Variants in CCDC93 observed in about 807,000 individuals in gnomAD.
CCDC93 encodes coiled-coil domain-containing protein 93.
CCDC93 carries 61 observed loss-of-function variants against 108.2 expected under a neutral mutation model. That is an observed-to-expected ratio of 0.56 (90% confidence interval 0.46 to 0.70). The LOEUF (loss-of-function observed/expected upper bound fraction) is 0.70. CCDC93 is among the 30% of genes least tolerant of loss of function. The probability of loss-of-function intolerance (pLI) is 0.00; values close to 1 mark genes in which losing one functional copy is unlikely to be tolerated. For missense variants in CCDC93, 685 were observed against 764.2 expected (o/e 0.90, Z 1.22); for synonymous variants, 276 against 260.4 (o/e 1.06, Z -0.58).
chr2:117,983,261 G>A (rs1249213688), intron 7 of CCDC93, among the ~76,000 whole-genome samples: 13 of 152,058 alleles, frequency 8.5e-5, no homozygotes, highest in East Asian at 1.9e-4. Flanking sequence ...TCCAATTGGC[G>A]TATTTCCCTA....
chr2:118,010,565 A>G (rs1676997539), intron 1 of CCDC93, among the ~76,000 whole-genome samples: 1 of 152,074 alleles, frequency 6.6e-6, no homozygotes, highest in Non-Finnish European at 1.5e-5. Flanking sequence ...ACTTCATTCC[A>G]GAACTCTTGC....
At chr2:118,008,184 G>A (rs570886581) in intron 2 of CCDC93, among the ~76,000 whole-genome samples, 20 of 152,246 alleles carry the variant, frequency 1.3e-4, no homozygotes, top group Non-Finnish European at 2.1e-4. Context: ...AGAATATCTG[G>A]CAACCGTCTG....
At chr2:117,975,435 C>T (rs1467708721) in intron 8 of CCDC93, among the ~76,000 whole-genome samples, 155 bp from the exon 9 acceptor site, 2 of 152,206 alleles carry the variant, frequency 1.3e-5, no homozygotes, top group Admixed American at 1.3e-4. Flanking sequence ...GCTGAACCTC[C>T]ACTAGAGTAT....
intron 23 of CCDC93, among the ~76,000 whole-genome samples, chr2:117,920,815 T>C (rs1200678858): frequency 6.6e-6 from 1 of 152,114 alleles, no homozygotes; most frequent in Non-Finnish European, 1.5e-5. Flanking sequence ...GCAAAACACA[T>C]AGAGTTCTAA....
intron 7 of CCDC93, among the ~76,000 whole-genome samples, chr2:117,982,967 G>A (rs1354849620): frequency 6.6e-6 from 1 of 152,148 alleles, no homozygotes; most frequent in Admixed American, 6.5e-5. Context: ...CCCAAATATG[G>A]CACCCTAATA....
At chr2:117,923,475 G>A (rs983378733) in intron 23 of CCDC93, among the ~76,000 whole-genome samples, 2 of 152,126 alleles carry the variant, frequency 1.3e-5, no homozygotes, top group East Asian at 1.9e-4. Context: ...TATATCCCGC[G>A]CCTGCCTCAG....
intron 12 of CCDC93, among the ~76,000 whole-genome samples, chr2:117,954,872 A>G (rs1288529708): frequency 6.6e-6 from 1 of 152,150 alleles, no homozygotes; most frequent in East Asian, 1.9e-4. Context: ...ATGGTTTTAT[A>G]GGCATCTGGC....
chr2:118,001,737 C>T (rs987937012), intron 3 of CCDC93, among the ~76,000 whole-genome samples: 1 of 151,922 alleles, frequency 6.6e-6, no homozygotes, highest in Admixed American at 6.6e-5. Flanking sequence ...GGTTTCTCAG[C>T]TCAGCCTGAG....
Position 117,918,890 on chromosome 2 carries a change from C to CGT in CCDC93, c.*1451_*1452dup, listed in dbSNP as rs751069814. Reference sequence around the variant, plus strand: ...ACCAGTGGCTGTTTTTAATCCAGCACGTGTGTGTGTTTTTAAATCTGTACA... The same window carrying CGT: ...ACCAGTGGCTGTTTTTAATCCAGCACGTGTGTGTGTGTTTTTAAATCTGTACA... On this transcript the variant is annotated 3_prime_UTR_variant, in exon 24 of 24. Transcript: ENST00000376300. 3.3e-5 allele frequency: 5 copies of CGT among 152,190 alleles called. No homozygotes were observed. The highest frequency in any genetic ancestry group is 2.1e-4 in the South Asian group (1 of 4,830). The allele number at this position is 152,190 out of a possible 1,614,324, so 9.4% of individuals were successfully genotyped here. A position where few individuals can be genotyped will look rare whatever the true frequency, so the allele number is the denominator to read the frequency against.
chr2:117,951,018 A>G, intron 13 of CCDC93: 11 of 983,298 alleles, frequency 1.1e-5, no homozygotes, highest in Non-Finnish European at 1.3e-5. Context: ...CCTTTCTATA[A>G]CATGAAAAGG....
chr2:117,933,772 TG>T, intron 22 of CCDC93, among the ~76,000 whole-genome samples: 1 of 150,492 alleles, frequency 6.6e-6, no homozygotes, highest in South Asian at 2.1e-4. Context: ...CCATTCACAG[TG>T]TCTATCAACA....
chr2:117,931,079 T>C lies in CCDC93; in HGVS notation c.1800A>G (p.Glu600=). The part of the protein sequence containing the change: ...QLNDQYLELL[E]KQRLYFKTVK... ...CAGTCTTAAAGTATAGCCTCTGCTTTTCTAACAGCTCCAAGTACTGGTCGT... is the reference window on the plus strand; with the variant it reads ...CAGTCTTAAAGTATAGCCTCTGCTTCTCTAACAGCTCCAAGTACTGGTCGT... The change falls in exon 23 of 24, where the codon GAA becomes GAG. Residue 600 remains glutamate (E), a synonymous_variant. Coordinates refer to ENST00000376300, the MANE Select transcript of CCDC93 (RefSeq NM_019044.5). 1 of 1,614,020 alleles carries C rather than the reference T, an allele frequency of 6.2e-7. No individual in the cohort carries two copies. The highest frequency in any genetic ancestry group is 8.5e-7 in the Non-Finnish European group (1 of 1,179,884).
chr2:117,934,425 T>C (rs1052661052), intron 22 of CCDC93: 2 of 152,230 alleles, frequency 1.3e-5, no homozygotes, highest in African/African-American at 2.4e-5. Context: ...TGTGCATATA[T>C]AGGCAAACAC....
At position 117,916,125 on chromosome 2, in the gene CCDC93, C is replaced by T. The variant is rs1267412084; in HGVS notation, c.*4218G>A. ...TTGATAGACACCGTCCAGCTGTCCC[C>T]CATGGAGTGCCTACATGTCACACTC... is the stretch of plus-strand genomic sequence containing the variant. On this transcript the variant is annotated 3_prime_UTR_variant, in exon 24 of 24. Transcript: ENST00000376300. 6.6e-6 allele frequency: 1 copy of T among 152,142 alleles called. No individual in the cohort carries two copies. The highest frequency in any genetic ancestry group is 1.9e-4 in the East Asian group (1 of 5,180). The allele number at this position is 152,142 out of a possible 1,614,324, so 9.4% of individuals were successfully genotyped here.
At chr2:117,950,828 A>G in intron 13 of CCDC93, 5 of 985,412 alleles carry the variant, frequency 5.1e-6, no homozygotes, top group Non-Finnish European at 4.8e-6. Context: ...GCTCCCAGAG[A>G]GGGCTCTGAT....
intron 23 of CCDC93, among the ~76,000 whole-genome samples, chr2:117,923,328 C>T (rs946986698): frequency 1.3e-5 from 2 of 152,098 alleles, no homozygotes; most frequent in African/African-American, 4.8e-5. Context: ...ATCGCCTCAC[C>T]CAGGAAGCAC....
At chr2:117,949,538 A>G in intron 13 of CCDC93, 143 bp from the exon 14 acceptor site, 2 of 679,484 alleles carry the variant, frequency 2.9e-6, no homozygotes, top group South Asian at 3.8e-5. Flanking sequence ...AGGTAATTAC[A>G]TCATACAACA....
rs1677730305 is a variant in CCDC93, at chr2:117,917,725, C to G, written c.*2618G>C. 6.6e-6 allele frequency: 1 copy of G among 152,316 alleles called. No individual in the cohort carries two copies. The highest frequency in any genetic ancestry group is 1.5e-5 in the Non-Finnish European group (1 of 68,112). 9.4% of individuals were successfully genotyped at this position (152,316 alleles called of 1,614,324 possible). A position where few individuals can be genotyped will look rare whatever the true frequency, so the allele number is the denominator to read the frequency against. Reference sequence around the variant, plus strand: ...CATCAACAAATGTCCTAGCATCTCCCCACGCACCTCGTGATCACGCAATCT... The same window carrying G: ...CATCAACAAATGTCCTAGCATCTCCGCACGCACCTCGTGATCACGCAATCT... On this transcript the variant is annotated 3_prime_UTR_variant, in exon 24 of 24. Coordinates refer to ENST00000376300, the MANE Select transcript of CCDC93 (RefSeq NM_019044.5).
intron 20 of CCDC93, 178 bp from the exon 21 acceptor site, chr2:117,936,917 T>C (rs906336299): frequency 2.0e-5 from 12 of 598,824 alleles, no homozygotes; most frequent in South Asian, 2.0e-5. Context: ...GTCTCACAGA[T>C]TTCCTCAGGG....
Sources: allele counts gnomAD v4.1 joint callset (sites outside exome capture counted in the v4.1 genomes callset), GRCh38; gene constraint gnomAD v4.1.1; transcripts MANE v1.5; gene names NCBI Gene and HGNC (gene_info 2026-07-23, HGNC 2026-07-21).